DDX10: variants seen among roughly 807,000 people sequenced by gnomAD.
DDX10 encodes the protein DEAD-box helicase 10.
DDX10 carries 74 observed loss-of-function variants against 104.3 expected under a neutral mutation model. That is an observed-to-expected ratio of 0.71 (90% CI 0.59 to 0.86). The LOEUF is 0.86. DDX10 is among the 40% of genes least tolerant of loss of function. The pLI is 0.00. For synonymous variants in DDX10, 351 were observed against 353.4 expected (o/e 0.99, Z 0.08); for missense variants, 952 against 1,040.0 (o/e 0.92, Z 1.16).
chr11:108,741,157 G>A (rs920584891), intron 13 of DDX10, among the ~76,000 whole-genome samples: 5 of 152,060 alleles, frequency 3.3e-5, no homozygotes. Flanking sequence ...TGTTCCATGA[G>A]CCTATGCATC....
chr11:108,738,775 T>C (rs2094321382), intron 13 of DDX10, among the ~76,000 whole-genome samples: 1 of 152,210 alleles, frequency 6.6e-6, no homozygotes, highest in East Asian at 1.9e-4. Context: ...GATTCTACCC[T>C]ACTTGCAGGT....
intron 13 of DDX10, among the ~76,000 whole-genome samples, chr11:108,768,859 A>T (rs1173127443): frequency 1.3e-5 from 2 of 151,922 alleles, no homozygotes; most frequent in Admixed American, 6.6e-5. Context: ...TATGGTATTT[A>T]AAAATACCAT....
At chr11:108,770,142 A>G (rs965335125) in intron 13 of DDX10, among the ~76,000 whole-genome samples, 1 of 152,024 alleles carries the variant, frequency 6.6e-6, no homozygotes, top group African/African-American at 2.4e-5. Context: ...TTATTTATTC[A>G]TTCATTCATT....
intron 13 of DDX10, among the ~76,000 whole-genome samples, chr11:108,783,305 A>G (rs762249270): frequency 1.6e-4 from 25 of 152,222 alleles, no homozygotes; most frequent in Non-Finnish European, 2.9e-4. Flanking sequence ...ATGGGCCATT[A>G]GTTTTAGCAA....
intron 17 of DDX10, chr11:108,921,812 G>C (rs1005917221): frequency 6.6e-6 from 1 of 152,304 alleles, no homozygotes; most frequent in Non-Finnish European, 1.5e-5. Flanking sequence ...CAAAAAATTA[G>C]CTGGGCATAG....
chr11:108,665,425 G>T (rs2094208844), intron 1 of DDX10, 86 bp downstream of exon 1: 1 of 1,422,694 alleles, frequency 7.0e-7, no homozygotes, highest in African/African-American at 1.5e-5. Context: ...AGTGGAGGCG[G>T]CGGATCTGTC....
intron 10 of DDX10, among the ~76,000 whole-genome samples, chr11:108,707,841 TAA>T (rs1421292781): frequency 1.3e-5 from 2 of 152,200 alleles, no homozygotes; most frequent in Non-Finnish European, 2.9e-5. Context: ...TAATCCTACT[TAA>T]GTCTTATAAC....
In DDX10 at chr11:108,889,511, T is replaced by C. The variant is rs188927765; in HGVS notation, c.2305-28362T>C. Among the ~76,000 whole-genome samples the C allele has an allele frequency of 1.3e-3, 192 of 152,296 alleles. 2 individuals carry two copies. Among genetic ancestry groups the C allele is most frequent in the Non-Finnish European group, 2.2e-3 (151 of 67,992 alleles). On this transcript the variant is annotated intron_variant, in intron 16 of 17. Coordinates refer to ENST00000322536, the MANE Select transcript of DDX10 (RefSeq NM_004398.4). ...CATCTGTGTTCCCACTAATATCAAA[T>C]GTTAACTTTTTTTTGCTTCAGATTA... is the stretch of plus-strand genomic sequence containing the variant.
rs190838105 is a variant in DDX10 at position 108,782,694 on chromosome 11, T to C, written c.1966-55752T>C. Among the ~76,000 whole-genome samples the C allele has an allele frequency of 8.9e-4, 136 of 152,252 alleles. 1 individual carries two copies. Among genetic ancestry groups the C allele is most frequent in the Middle Eastern group, 3.4e-3 (1 of 294 alleles). ...TTATCTTCCCTTTATAGTGACCCTG[T>C]TTGCAGTGTCTACCAAATGACTAAC... On this transcript the variant is annotated intron_variant, in intron 13 of 17. Coordinates refer to ENST00000322536, the MANE Select transcript of DDX10 (RefSeq NM_004398.4).
intron 16 of DDX10, among the ~76,000 whole-genome samples, chr11:108,915,431 TG>T (rs1863734174): frequency 7.4e-6 from 1 of 134,510 alleles, no homozygotes; most frequent in South Asian, 2.3e-4. Context: ...TAAAAAGGCT[TG>T]TTTTTTTTTT....
chr11:108,781,729 G>A (rs374013303), intron 13 of DDX10, among the ~76,000 whole-genome samples: 25 of 152,016 alleles, frequency 1.6e-4, no homozygotes, highest in African/African-American at 5.1e-4. Flanking sequence ...CCAAAGAATC[G>A]CCCTCTCACC....
chr11:108,832,584 A>G (rs1195169827), intron 13 of DDX10, among the ~76,000 whole-genome samples: 1 of 152,200 alleles, frequency 6.6e-6, no homozygotes, highest in Non-Finnish European at 1.5e-5. Context: ...AAATAATACA[A>G]CTGCAACTTA....
intron 13 of DDX10, among the ~76,000 whole-genome samples, chr11:108,765,629 G>T (rs1325279647): frequency 6.6e-6 from 1 of 152,192 alleles, no homozygotes; most frequent in African/African-American, 2.4e-5. Context: ...ATATGTGTCA[G>T]TTTACTTCTG....
intron 15 of DDX10, among the ~76,000 whole-genome samples, chr11:108,849,010 A>G (rs1565297794): frequency 6.6e-6 from 1 of 152,130 alleles, no homozygotes; most frequent in East Asian, 1.9e-4. Flanking sequence ...CATTCTTTGT[A>G]TCCTTGTTAT....
Position 108,675,692 on chromosome 11 carries a change from CTG to C in DDX10, c.345_346del (p.Gly116IlefsTer43). On this transcript the variant is annotated frameshift_variant, in exon 3 of 18. Coordinates refer to ENST00000322536, the MANE Select transcript of DDX10 (RefSeq NM_004398.4). LOFTEE classifies it high-confidence loss of function. ...AAAGATGTACTTGGAGCGGCCAAAA[CTG>C]GATCTGGCAAGACTCTGGCTTTTCT... 1 of 1,614,226 alleles carries C rather than the reference CTG, an allele frequency of 6.2e-7. No homozygotes were observed. The highest frequency in any genetic ancestry group is 1.7e-5 in the Admixed American group (1 of 60,032).
intron 9 of DDX10, 99 bp from the exon 10 acceptor site, chr11:108,706,640 A>G (rs1045604848): frequency 2.2e-6 from 2 of 899,282 alleles, no homozygotes; most frequent in African/African-American, 1.7e-5. Context: ...ATTTATGGTT[A>G]GACAAAAATG....
chr11:108,835,116 C>A (rs1226750680), intron 13 of DDX10, among the ~76,000 whole-genome samples: 1 of 152,000 alleles, frequency 6.6e-6, no homozygotes, highest in Non-Finnish European at 1.5e-5. Flanking sequence ...CCCTTGTGTT[C>A]ACAGGGGTCA....
intron 13 of DDX10, among the ~76,000 whole-genome samples, chr11:108,729,520 A>C (rs2094309405): frequency 6.6e-6 from 1 of 152,188 alleles, no homozygotes; most frequent in South Asian, 2.1e-4. Flanking sequence ...CGACTGAGCA[A>C]ATATCCTTTT....
chr11:108,751,135 T>G (rs1409831251), intron 13 of DDX10, among the ~76,000 whole-genome samples: 1 of 151,752 alleles, frequency 6.6e-6, no homozygotes, highest in Non-Finnish European at 1.5e-5. Flanking sequence ...TTGTTGCTTT[T>G]TATTCCTAGT....
Sources: allele counts gnomAD v4.1 joint callset (sites outside exome capture counted in the v4.1 genomes callset), GRCh38; gene constraint gnomAD v4.1.1; transcripts MANE v1.5; gene names NCBI Gene and HGNC (gene_info 2026-07-23, HGNC 2026-07-21).